Variants in CTNNA2 observed in about 807,000 individuals in gnomAD.
The protein encoded by CTNNA2 is catenin alpha-2.
In CTNNA2, 42 loss-of-function variants were observed where a neutral mutation model predicts 101.0. That is an observed-to-expected ratio of 0.42 (90% CI 0.32 to 0.54). The LOEUF is 0.54. Among genes scored for constraint, CTNNA2 ranks in the 20% least tolerant of loss-of-function variants. CTNNA2 has a pLI of 0.14. For missense variants in CTNNA2, 871 were observed against 1,223.1 expected (o/e 0.71, Z 4.29); for synonymous variants, 450 against 456.4 (o/e 0.99, Z 0.18).
intron 3 of CTNNA2, among the ~76,000 whole-genome samples, chr2:79,841,691 A>G (rs1237975795): frequency 6.6e-6 from 1 of 152,220 alleles, no homozygotes; most frequent in Non-Finnish European, 1.5e-5. Context: ...TTATATGCGC[A>G]ATCAACGATC....
intron 7 of CTNNA2, among the ~76,000 whole-genome samples, chr2:79,929,862 G>A (rs1166477890): frequency 3.9e-5 from 6 of 152,050 alleles, no homozygotes; most frequent in African/African-American, 1.2e-4. Context: ...CTAGTGTCTG[G>A]CTGAGTAGGT....
chr2:79,350,567 T>C (rs1440510877), intron 3 of CTNNA2, among the ~76,000 whole-genome samples: 1 of 152,158 alleles, frequency 6.6e-6, no homozygotes, highest in Admixed American at 6.5e-5. Context: ...TCTATGACTT[T>C]GATGTTGTGA....
chr2:79,220,468 C>T (rs1352324889), intron 2 of CTNNA2, among the ~76,000 whole-genome samples: 1 of 152,192 alleles, frequency 6.6e-6, no homozygotes, highest in East Asian at 1.9e-4. Context: ...AGCCTCAGGC[C>T]TCCTCTGGGG....
At chr2:79,412,821 C>G (rs573240737) in intron 4 of CTNNA2, among the ~76,000 whole-genome samples, 9 of 152,040 alleles carry the variant, frequency 5.9e-5, no homozygotes, top group African/African-American at 1.9e-4. Flanking sequence ...TTAGAAGGCA[C>G]GGATATGAGC....
chr2:80,143,185 G>C (rs1703117102), intron 7 of CTNNA2, among the ~76,000 whole-genome samples: 1 of 152,172 alleles, frequency 6.6e-6, no homozygotes, highest in Non-Finnish European at 1.5e-5. Flanking sequence ...TACGGCCCAA[G>C]TGTCCTTCCT....
rs1195280530 is a variant in CTNNA2 at position 79,909,773 on chromosome 2, C to A, written c.1032C>A (p.Asp344Glu). The change falls in exon 7 of 19, where the codon GAC becomes GAA. Residue 344 changes from aspartate to glutamate, a missense_variant. This residue lies in a region of CTNNA2 where 647 missense variants were observed against 831.5 expected (regional missense o/e 0.78). Transcript: ENST00000402739. ...ACGCCGTGCGGCAGGCGCTCCAGGA[C>A]CTGCTCAGCGAGTACATGAATAATG... is the stretch of plus-strand genomic sequence containing the variant. ...ECNAVRQALQ[D>E]LLSEYMNNTG... 6.2e-7 allele frequency: 1 copy of A among 1,610,608 alleles called. No homozygotes were observed. Among genetic ancestry groups the A allele is most frequent in the South Asian group, 1.1e-5 (1 of 90,532 alleles).
chr2:80,629,783 TAG>T (rs1375235055), intron 18 of CTNNA2, among the ~76,000 whole-genome samples: 1 of 152,182 alleles, frequency 6.6e-6, no homozygotes, highest in Non-Finnish European at 1.5e-5. Context: ...TCTTCTCCAG[TAG>T]TGATAATCAC....
In CTNNA2 at chr2:79,724,591, G is replaced by A. The variant is rs550007253; in HGVS notation, c.103-19796G>A. Among the ~76,000 whole-genome samples, 220 of 152,018 alleles carry A rather than the reference G, an allele frequency of 1.4e-3. 1 individual carries two copies. Among genetic ancestry groups the A allele is most frequent in the African/African-American group, 4.8e-3 (201 of 41,462 alleles). On this transcript the variant is annotated intron_variant, in intron 2 of 18. Coordinates refer to ENST00000402739, the MANE Select transcript of CTNNA2 (RefSeq NM_001282597.3). ...AGTACTTTGGGAGGCTGAGGCGGTC[G>A]CATCAGGAGGTCAGGAGATCAAGAC...
intron 7 of CTNNA2, among the ~76,000 whole-genome samples, chr2:80,120,775 CGTAT>C (rs1394041024): frequency 6.6e-6 from 1 of 152,066 alleles, no homozygotes; most frequent in Non-Finnish European, 1.5e-5. Flanking sequence ...CTCTTAAGGG[CGTAT>C]ACCTAGACTC....
chr2:80,055,805 C>G (rs1056072026), intron 7 of CTNNA2, among the ~76,000 whole-genome samples: 3 of 152,132 alleles, frequency 2.0e-5, no homozygotes, highest in African/African-American at 7.2e-5. Flanking sequence ...TATAAGTGTT[C>G]TGGCATGCCT....
chr2:79,991,738 A>G (rs1460507144), intron 7 of CTNNA2, among the ~76,000 whole-genome samples: 4 of 152,128 alleles, frequency 2.6e-5, no homozygotes, highest in South Asian at 2.1e-4. Flanking sequence ...TGGCCTCCAT[A>G]CTTATTCATC....
intron 18 of CTNNA2, among the ~76,000 whole-genome samples, chr2:80,624,789 T>G (rs1396453683): frequency 6.6e-6 from 1 of 151,956 alleles, no homozygotes; most frequent in East Asian, 1.9e-4. Flanking sequence ...AGTTGACTGG[T>G]AGGAGGCAGT....
chr2:79,646,989 C>T (rs1054233509), intron 1 of CTNNA2, among the ~76,000 whole-genome samples: 13 of 152,196 alleles, frequency 8.5e-5, no homozygotes, highest in Non-Finnish European at 1.9e-4. Context: ...TATTCTAAGT[C>T]TCTCTACCAA....
At chr2:79,835,206 G>A (rs569361425) in intron 3 of CTNNA2, among the ~76,000 whole-genome samples, 22 of 151,904 alleles carry the variant, frequency 1.4e-4, no homozygotes, top group African/African-American at 5.3e-4. Flanking sequence ...TTTAGTATTC[G>A]CCTTAAAATC....
chr2:80,174,667 C>T (rs1193034652), intron 7 of CTNNA2, among the ~76,000 whole-genome samples: 2 of 152,204 alleles, frequency 1.3e-5, no homozygotes, highest in Non-Finnish European at 2.9e-5. Context: ...TTTATTATCA[C>T]CACATTCACC....
At chr2:80,330,050 T>C (rs1573737883) in intron 7 of CTNNA2, among the ~76,000 whole-genome samples, 1 of 152,370 alleles carries the variant, frequency 6.6e-6, no homozygotes, top group South Asian at 2.1e-4. Flanking sequence ...TCCTTGAGTC[T>C]GGTCCCTTCC....
At chr2:80,516,491 A>G (rs1326674407) in intron 9 of CTNNA2, among the ~76,000 whole-genome samples, 2 of 152,144 alleles carry the variant, frequency 1.3e-5, no homozygotes, top group African/African-American at 4.8e-5. Flanking sequence ...CTGGTCCTCA[A>G]AGCACCTCAA....
At chr2:80,634,230 G>A (rs887956632) in intron 18 of CTNNA2, among the ~76,000 whole-genome samples, 5 of 152,126 alleles carry the variant, frequency 3.3e-5, no homozygotes, top group Non-Finnish European at 7.3e-5. Context: ...TATTAAAATA[G>A]AGAAAGAATG....
intron 1 of CTNNA2, among the ~76,000 whole-genome samples, chr2:79,644,901 T>G (rs76634110): frequency 0.011 from 1,744 of 152,296 alleles, 49 homozygotes; most frequent in African/African-American, 0.039. Flanking sequence ...GCCTTGGGAT[T>G]CTTCTCTAAA....
Sources: gnomAD v4.1 joint callset for allele counts (sites outside exome capture counted in the v4.1 genomes callset) on GRCh38, gnomAD v4.1.1 for gene constraint, gnomAD v4.1.1 regional missense constraint, MANE v1.5 for transcripts, NCBI Gene and HGNC (gene_info 2026-07-23, HGNC 2026-07-21) for gene names.